The following CAPRIN2 variants were observed in gnomAD, a reference collection of about 807,000 sequenced individuals.
CAPRIN2 encodes the protein caprin family member 2.
Under a neutral mutation model 130.4 loss-of-function variants are expected in CAPRIN2, and 66 were observed. That is an observed-to-expected ratio of 0.51 (90% CI 0.42 to 0.62). The LOEUF (loss-of-function observed/expected upper bound fraction) is 0.62, where lower values mean the gene tolerates loss of function less well. Among genes scored for constraint, CAPRIN2 ranks in the 20% least tolerant of loss-of-function variants. The pLI, the probability that CAPRIN2 is intolerant of heterozygous loss-of-function variation, is 0.00. For synonymous variants in CAPRIN2, 471 were observed against 444.1 expected (o/e 1.06, Z -0.76); for missense variants, 1,185 against 1,246.6 (o/e 0.95, Z 0.74).
In CAPRIN2 at chr12:30,710,040, G is replaced by A. The variant is rs1668826306; in HGVS notation, c.3096C>T (p.Asp1032=). 1 of 1,614,062 alleles carries A rather than the reference G, an allele frequency of 6.2e-7. No homozygotes were observed. Among genetic ancestry groups the A allele is most frequent in the Non-Finnish European group, 8.5e-7 (1 of 1,180,024 alleles). ...TTGCATGATTGCTAGCAGTTTCATG[G>A]TCTGGAGCACCATCATTGGCATAGG... The change falls in exon 17 of 17, where the codon GAC becomes GAT. Residue 1032 remains aspartate, a synonymous_variant. Transcript: ENST00000298892. The surrounding 1 kb of genome is among the most constrained non-coding windows in gnomAD (Gnocchi z 4.8).
exon 6 of CAPRIN2, chr12:30,731,393 T>G (rs1266854733): frequency 6.2e-7 from 1 of 1,613,134 alleles, no homozygotes; most frequent in South Asian, 1.1e-5. Flanking sequence ...TTTCTCTGAT[T>G]GTATTAGCAT....
intron 1 of CAPRIN2, chr12:30,751,458 A>C (rs779688932): frequency 1.3e-5 from 3 of 222,772 alleles, no homozygotes; most frequent in Non-Finnish European, 2.7e-5. Flanking sequence ...GTAGCTTCTC[A>C]ACAGGGAACA....
At chr12:30,754,366 G>GTATC (rs2075327605) in exon 1 of CAPRIN2, 1 of 153,046 alleles carries the variant, frequency 6.5e-6, no homozygotes, top group East Asian at 1.9e-4. Context: ...AGCACCCGAG[G>GTATC]TATCCCTTTC....
exon 9 of CAPRIN2, chr12:30,725,981 A>C: frequency 6.3e-7 from 1 of 1,593,900 alleles, no homozygotes; most frequent in Non-Finnish European, 8.5e-7. Flanking sequence ...TAAAGTTACA[A>C]GTTCCTTGAA....
Position 30,711,556 on chromosome 12 carries a change from T to C in CAPRIN2, c.2665+10A>G. ...CTGGGTAAGAAAACTATTCAGCTAA[T>C]TACCCTTACCTCTCGAATTTGCTCG... On this transcript the variant is annotated intron_variant, in intron 16 of 16. Transcript: ENST00000298892. 1 of 1,607,962 alleles carries C rather than the reference T, an allele frequency of 6.2e-7. No individual in the cohort carries two copies. Among genetic ancestry groups the C allele is most frequent in the Non-Finnish European group, 8.5e-7 (1 of 1,174,388 alleles).
Position 30,711,526 on chromosome 12 carries a change from A to C in CAPRIN2, c.2665+40T>G, listed in dbSNP as rs758442085. ...AGAGGATGCAGAAAGAACTAGAGAC[A>C]TGTGCTGGGTAAGAAAACTATTCAG... On this transcript the variant is annotated intron_variant, in intron 16 of 16. Coordinates refer to ENST00000298892, the Ensembl canonical transcript of CAPRIN2. The C allele has an allele frequency of 1.6e-5, 24 of 1,469,750 alleles. No individual in the cohort carries two copies. In the East Asian group the frequency reaches 5.2e-4, roughly 32 times the overall value. 91.0% of individuals were successfully genotyped at this position (1,469,750 alleles called of 1,614,324 possible). A position where few individuals can be genotyped will look rare whatever the true frequency, so the allele number is the denominator to read the frequency against.
At chr12:30,728,572 AGAACT>A in intron 8 of CAPRIN2, 71 bp downstream of exon 9, 2 of 1,128,144 alleles carry the variant, frequency 1.8e-6, no homozygotes, top group Non-Finnish European at 2.5e-6. Context: ...AAAAAAAAAG[AGAACT>A]AAAAAGTCAT....
Position 30,720,610 on chromosome 12 carries a change from T to C in CAPRIN2, c.2148+201A>G, listed in dbSNP as rs938873236. On this transcript the variant is annotated intron_variant, in intron 12 of 16. Transcript: ENST00000298892. ...ACATTTATTGCACTAGATAAGGCAA[T>C]ACCATATTAAATCTATTTATATGGC... 4 of 476,246 alleles carry C rather than the reference T, an allele frequency of 8.4e-6. No individual in the cohort carries two copies. The Admixed American group carries it at 1.0e-4, about 12-fold the overall frequency. 29.5% of individuals were successfully genotyped at this position (476,246 alleles called of 1,614,324 possible).
chr12:30,728,704 T>C, exon 8 of CAPRIN2: 1 of 1,614,104 alleles, frequency 6.2e-7, no homozygotes, highest in Non-Finnish European at 8.5e-7. Context: ...GGTATGAGGC[T>C]TGCTGTAGCT....
intron 2 of CAPRIN2, 100 bp downstream of exon 3, chr12:30,750,971 G>C: frequency 1.4e-6 from 1 of 693,448 alleles, no homozygotes; most frequent in South Asian, 1.7e-5. Context: ...GATTTTAACT[G>C]TGTGTGTGTG....
At chr12:30,711,605 G>C (rs759862189) in exon 16 of CAPRIN2, 1 of 1,613,550 alleles carries the variant, frequency 6.2e-7, no homozygotes, top group South Asian at 1.1e-5. Flanking sequence ...GTCCCTCCTC[G>C]CTTATAACAC....
intron 12 of CAPRIN2, 79 bp downstream of exon 13, chr12:30,720,732 T>C: frequency 3.7e-6 from 3 of 818,914 alleles, no homozygotes; most frequent in Non-Finnish European, 6.3e-6. Flanking sequence ...ATTCAACTAA[T>C]CATGCCTGTA....
At chr12:30,715,466 T>C in intron 13 of CAPRIN2, 1 of 464,964 alleles carries the variant, frequency 2.2e-6, no homozygotes, top group Non-Finnish European at 4.3e-6. Context: ...AGAGCAGTCA[T>C]TTTCAGAATC....
chr12:30,733,584 A>G (rs1413862709), intron 5 of CAPRIN2, 45 bp downstream of exon 6: 26 of 1,286,770 alleles, frequency 2.0e-5, no homozygotes, highest in East Asian at 1.6e-4. Flanking sequence ...TTCTAGACAT[A>G]AAGTTTAGTA....
chr12:30,753,986 C>G (rs2075198274), exon 1 of CAPRIN2: 1 of 518,048 alleles, frequency 1.9e-6, no homozygotes, highest in Non-Finnish European at 3.4e-6. Context: ...ACACCGGGAC[C>G]TAAGGCTGAG....
exon 17 of CAPRIN2, chr12:30,709,849 T>C (rs1173844666): frequency 3.3e-6 from 5 of 1,535,068 alleles, no homozygotes; most frequent in Non-Finnish European, 4.4e-6. Context: ...TACTTTTCCT[T>C]CAATCCCACT....
intron 3 of CAPRIN2, among the ~76,000 whole-genome samples, chr12:30,737,512 T>A (rs2065395106): frequency 6.6e-6 from 1 of 152,078 alleles, no homozygotes; most frequent in Non-Finnish European, 1.5e-5. Context: ...GAAAGGTGGG[T>A]TACATTGTTC....
intron 15 of CAPRIN2, among the ~76,000 whole-genome samples, chr12:30,713,343 G>A (rs555555869): frequency 8.6e-5 from 13 of 151,942 alleles, no homozygotes; most frequent in African/African-American, 2.2e-4. Flanking sequence ...AAAACTTAAC[G>A]AAAAAGGGCT....
chr12:30,734,849 A>T (rs1039993283), intron 4 of CAPRIN2, 119 bp downstream of exon 5: 4 of 626,750 alleles, frequency 6.4e-6, no homozygotes, highest in Admixed American at 2.5e-5. Context: ...CCCCCTCTCT[A>T]ACACACACAC....
Sources: gnomAD v4.1 joint callset for allele counts (sites outside exome capture counted in the v4.1 genomes callset) on GRCh38, gnomAD v4.1.1 for gene constraint, Gnocchi (gnomAD v3.1) non-coding constraint, MANE v1.5 for transcripts, NCBI Gene and HGNC (gene_info 2026-07-23, HGNC 2026-07-21) for gene names.